The following DHRS7B variants were observed in gnomAD, a reference collection of about 807,000 sequenced individuals.
The protein encoded by DHRS7B is peroxisomal reductase activating PPAR-gamma.
In DHRS7B, 24 loss-of-function variants were observed where a neutral mutation model predicts 26.4. That is an observed-to-expected ratio of 0.91 (90% confidence interval 0.66 to 1.28). The LOEUF (loss-of-function observed/expected upper bound fraction) is 1.28, where lower values mean the gene tolerates loss of function less well. Among genes scored for constraint, DHRS7B ranks in the 50% most tolerant of loss-of-function variants. The pLI is 0.00. For synonymous variants in DHRS7B, 142 were observed against 166.4 expected (o/e 0.85, Z 1.13); for missense variants, 368 against 419.4 (o/e 0.88, Z 1.07).
chr17:21,174,925 G>C (rs1373087179), intron 2 of DHRS7B, among the ~76,000 whole-genome samples: 1 of 152,158 alleles, frequency 6.6e-6, no homozygotes, highest in East Asian at 1.9e-4. Flanking sequence ...GCTGAGAAGC[G>C]CACCAGGGAG....
intron 1 of DHRS7B, among the ~76,000 whole-genome samples, chr17:21,157,711 A>G (rs1331596105): frequency 6.6e-6 from 1 of 151,846 alleles, no homozygotes; most frequent in Non-Finnish European, 1.5e-5. Context: ...AACAAAACTA[A>G]TGTAATCTGG....
At chr17:21,136,737 G>A (rs1022359104) in intron 1 of DHRS7B, among the ~76,000 whole-genome samples, 25 of 151,636 alleles carry the variant, frequency 1.6e-4, no homozygotes, top group Admixed American at 1.6e-3. Context: ...TGTATTTTTA[G>A]TAGAGACAGG....
At chr17:21,129,867 T>C (rs1309528652) in intron 1 of DHRS7B, among the ~76,000 whole-genome samples, 1 of 152,196 alleles carries the variant, frequency 6.6e-6, no homozygotes, top group Non-Finnish European at 1.5e-5. Flanking sequence ...TCAAGATTAA[T>C]GGTAATTTGT....
intron 2 of DHRS7B, among the ~76,000 whole-genome samples, chr17:21,174,965 A>C (rs1974341085): frequency 6.6e-6 from 1 of 152,192 alleles, no homozygotes; most frequent in South Asian, 2.1e-4. Flanking sequence ...ACCAGGCCTC[A>C]CTACCCAGGG....
intron 3 of DHRS7B, among the ~76,000 whole-genome samples, chr17:21,179,762 C>CTTTTTTTTTTTTTTTTTTTTTTTTT (rs55928399): frequency 7.3e-6 from 1 of 137,606 alleles, no homozygotes. Flanking sequence ...TTTTCACTTT[C>CTTTTTTTTTTTTTTTTTTTTTTTTT]TTTTTTTTTT....
chr17:21,152,279 T>C (rs1478347332), intron 1 of DHRS7B, among the ~76,000 whole-genome samples: 1 of 151,870 alleles, frequency 6.6e-6, no homozygotes. Context: ...CTCAGCCTCC[T>C]GAGTACCTGA....
intron 5 of DHRS7B, among the ~76,000 whole-genome samples, chr17:21,187,558 G>A (rs1320256461): frequency 6.6e-6 from 1 of 150,890 alleles, no homozygotes; most frequent in East Asian, 2.0e-4. Context: ...CCCGGGAGGC[G>A]GAGTTTGCAG....
intron 1 of DHRS7B, among the ~76,000 whole-genome samples, chr17:21,139,611 T>G (rs1973443274): frequency 6.6e-6 from 1 of 152,026 alleles, no homozygotes; most frequent in Non-Finnish European, 1.5e-5. Context: ...GAGGCAGAAG[T>G]TGCAGTGAGC....
intron 1 of DHRS7B, among the ~76,000 whole-genome samples, chr17:21,137,543 C>T (rs189493721): frequency 2.2e-4 from 33 of 151,946 alleles, no homozygotes; most frequent in Middle Eastern, 3.4e-3. Context: ...CTGCAACCTC[C>T]GCCTCCTGGG....
chr17:21,167,499 C>T (rs1391464912), intron 1 of DHRS7B, among the ~76,000 whole-genome samples: 1 of 152,154 alleles, frequency 6.6e-6, no homozygotes, highest in Non-Finnish European at 1.5e-5. Flanking sequence ...GGTCTCTTGC[C>T]CAAGGACTAA....
intron 1 of DHRS7B, among the ~76,000 whole-genome samples, chr17:21,129,828 G>T (rs773711698): frequency 2.4e-4 from 37 of 152,130 alleles, no homozygotes; most frequent in Admixed American, 3.9e-4. Context: ...TTTGTATGCA[G>T]CTGAGCAGAT....
Position 21,183,795 on chromosome 17 carries a change from G to T in DHRS7B, c.511G>T (p.Val171Phe). The change falls in exon 4 of 7, where the codon GTT (valine) becomes TTT (phenylalanine). Residue 171 changes from valine to phenylalanine, a missense_variant. Coordinates refer to ENST00000395511, the MANE Select transcript of DHRS7B (RefSeq NM_015510.5). The stretch of plus-strand genomic sequence containing the variant: ...CATGGAGACAAACTACTTTGGCCCA[G>T]TTGCTCTAACGAAAGGTAACAGTCT... ...RVMETNYFGPVALTKALLPSM... is the reference protein window; with the variant it reads ...RVMETNYFGPFALTKALLPSM... 6.2e-7 allele frequency: 1 copy of T among 1,614,162 alleles called. No individual in the cohort carries two copies.
chr17:21,149,860 G>A (rs933456841), intron 1 of DHRS7B, among the ~76,000 whole-genome samples: 3 of 152,028 alleles, frequency 2.0e-5, no homozygotes, highest in African/African-American at 7.2e-5. Flanking sequence ...AAGGAAGAGA[G>A]GAGTTGCAAA....
In DHRS7B at chr17:21,149,376, G is replaced by A. The variant is rs1293666721; in HGVS notation, c.20+22385G>A. Among the ~76,000 whole-genome samples, 6 of 152,142 alleles carry A rather than the reference G, an allele frequency of 3.9e-5. No individual in the cohort carries two copies. The East Asian group carries it at 9.6e-4, about 24-fold the overall frequency. On this transcript the variant is annotated intron_variant, in intron 1 of 6. Transcript: ENST00000395511. Reference sequence around the variant, plus strand: ...AATGCTAAAGGGAGTTCTTCAAACAGAAAGAAAACACTCATGGGCAAATAG... The same window carrying A: ...AATGCTAAAGGGAGTTCTTCAAACAAAAAGAAAACACTCATGGGCAAATAG...
intron 6 of DHRS7B, 39 bp downstream of exon 6, chr17:21,188,902 C>T (rs779467418): frequency 6.8e-6 from 11 of 1,612,148 alleles, no homozygotes; most frequent in South Asian, 1.1e-5. Context: ...GAAAATCTGT[C>T]GGTCAGCCAC....
At chr17:21,181,632 A>G (rs897309369) in intron 3 of DHRS7B, among the ~76,000 whole-genome samples, 1 of 152,236 alleles carries the variant, frequency 6.6e-6, no homozygotes, top group Admixed American at 6.5e-5. Flanking sequence ...ACACTGTTGC[A>G]TTGGGGATTA....
intron 1 of DHRS7B, among the ~76,000 whole-genome samples, chr17:21,157,165 A>G (rs184917700): frequency 2.0e-4 from 30 of 151,596 alleles, no homozygotes; most frequent in African/African-American, 7.0e-4. Context: ...AATTCTCTAC[A>G]ATCTCTCCCA....
rs577546025 is a variant in DHRS7B at position 21,165,521 on chromosome 17, C to T, written c.21-6497C>T. Among the ~76,000 whole-genome samples, 41 of 152,110 alleles carry T rather than the reference C, an allele frequency of 2.7e-4. No homozygotes were observed. In the South Asian group the frequency reaches 4.2e-3, roughly 15 times the overall value. ...TTAATTTTTGGTAAAGATGGGGTTT[C>T]GCTGTTGCCCAGGCTGGTCCCAAAC... is the stretch of plus-strand genomic sequence containing the variant. On this transcript the variant is annotated intron_variant, in intron 1 of 6. Transcript: ENST00000395511.
intron 1 of DHRS7B, among the ~76,000 whole-genome samples, chr17:21,156,710 C>T (rs149514338): frequency 7.8e-4 from 117 of 149,986 alleles, no homozygotes; most frequent in Non-Finnish European, 1.3e-3. Flanking sequence ...GTCAGGAGTT[C>T]GAGACTAGCC....
Sources: allele counts gnomAD v4.1 joint callset (sites outside exome capture counted in the v4.1 genomes callset), GRCh38; gene constraint gnomAD v4.1.1; transcripts MANE v1.5; gene names NCBI Gene and HGNC (gene_info 2026-07-23, HGNC 2026-07-21).